The following LHFPL3 variants were observed in gnomAD, a reference collection of about 807,000 sequenced individuals.
LHFPL3 encodes the protein LHFPL tetraspan subfamily member 3 protein.
LHFPL3 carries 5 observed loss-of-function variants against 19.3 expected under a neutral mutation model. The ratio of observed to expected loss-of-function variants is 0.26; its 90% confidence interval spans 0.14 to 0.54. The LOEUF is 0.54. Ranked by LOEUF, LHFPL3 falls within the 20% of genes least tolerant of loss-of-function variation. The pLI, the probability that LHFPL3 is intolerant of heterozygous loss-of-function variation, is 0.94. For missense variants in LHFPL3, 249 were observed against 307.4 expected (o/e 0.81, Z 1.42); for synonymous variants, 133 against 126.2 (o/e 1.05, Z -0.36).
intron 1 of LHFPL3, among the ~76,000 whole-genome samples, chr7:104,499,633 C>T (rs918662490): frequency 5.3e-5 from 8 of 152,202 alleles, no homozygotes; most frequent in Non-Finnish European, 7.3e-5. Flanking sequence ...TAATTACAGA[C>T]TGTTTTTCCT....
At chr7:104,801,973 T>C (rs1352299312) in intron 2 of LHFPL3, among the ~76,000 whole-genome samples, 1 of 152,196 alleles carries the variant, frequency 6.6e-6, no homozygotes, top group Admixed American at 6.5e-5. Context: ...TGCTATTTTT[T>C]TCACAATTTG....
chr7:104,351,106 G>A (rs1168214937), intron 1 of LHFPL3, among the ~76,000 whole-genome samples: 1 of 151,802 alleles, frequency 6.6e-6, no homozygotes, highest in Non-Finnish European at 1.5e-5. Context: ...AGACTTGAGA[G>A]AAGAAAATGA....
intron 1 of LHFPL3, among the ~76,000 whole-genome samples, chr7:104,662,493 T>TA (rs1251089790): frequency 2.6e-5 from 4 of 152,124 alleles, no homozygotes; most frequent in African/African-American, 9.7e-5. Flanking sequence ...GTTACACAGC[T>TA]AAAAAATGAA....
intron 1 of LHFPL3, chr7:104,669,200 G>A (rs1375767280): frequency 3.8e-5 from 62 of 1,613,946 alleles, no homozygotes; most frequent in Admixed American, 8.3e-5. Context: ...TGGGTGAAGC[G>A]AAGTTCTAAC....
intron 1 of LHFPL3, among the ~76,000 whole-genome samples, chr7:104,620,168 C>T (rs1436999333): frequency 1.3e-5 from 2 of 152,108 alleles, no homozygotes; most frequent in Non-Finnish European, 2.9e-5. Context: ...GAACACAGCA[C>T]TCAAGGGACC....
At chr7:104,406,843 G>A (rs1398729497) in intron 1 of LHFPL3, among the ~76,000 whole-genome samples, 2 of 152,216 alleles carry the variant, frequency 1.3e-5, no homozygotes, top group Non-Finnish European at 2.9e-5. Context: ...TGCTTGAGGG[G>A]ACTTATAATT....
chr7:104,433,813 T>C (rs1332752163), intron 1 of LHFPL3, among the ~76,000 whole-genome samples: 1 of 152,200 alleles, frequency 6.6e-6, no homozygotes, highest in Non-Finnish European at 1.5e-5. Flanking sequence ...TTACAACTGT[T>C]ACTGACTTCT....
intron 1 of LHFPL3, among the ~76,000 whole-genome samples, chr7:104,481,610 G>C (rs1044533027): frequency 2.6e-5 from 4 of 151,918 alleles, no homozygotes; most frequent in African/African-American, 9.7e-5. Flanking sequence ...TATTAACACT[G>C]TCTAATTCAT....
At chr7:104,746,964 G>A (rs963841159) in intron 2 of LHFPL3, among the ~76,000 whole-genome samples, 3 of 152,186 alleles carry the variant, frequency 2.0e-5, no homozygotes, top group African/African-American at 7.2e-5. Context: ...AAGATCTGGA[G>A]ATTGCTTCCT....
intron 1 of LHFPL3, among the ~76,000 whole-genome samples, chr7:104,445,669 C>T (rs1385378356): frequency 6.6e-6 from 1 of 152,188 alleles, no homozygotes; most frequent in African/African-American, 2.4e-5. Context: ...CTGGTTACCT[C>T]CTTTTTTATA....
chr7:104,898,120 C>T (rs781016492), intron 2 of LHFPL3, among the ~76,000 whole-genome samples: 3 of 147,120 alleles, frequency 2.0e-5, no homozygotes, highest in Non-Finnish European at 4.5e-5. Flanking sequence ...AGTGATTCTC[C>T]TGCCTCAGCC....
In LHFPL3 at chr7:104,443,945, G is replaced by A. The variant is rs57941093; in HGVS notation, c.445+114721G>A. On this transcript the variant is annotated intron_variant, in intron 1 of 2. Transcript: ENST00000424859. ...AGTCTAGCACCTTACTGGACTTATT[G>A]AACTGAGATATAAACTAATGCAGTA... 0.013 allele frequency among the ~76,000 whole-genome samples: 1,913 copies of A among 152,332 alleles called. 63 individuals carry two copies. In the East Asian group the frequency reaches 0.13, roughly 11 times the overall value.
Position 104,908,521 on chromosome 7 carries a change from AAAAAAT to A in LHFPL3, c.*2321_*2326del, listed in dbSNP as rs1193865962. On this transcript the variant is annotated 3_prime_UTR_variant, in exon 3 of 3. Transcript: ENST00000424859. ...TTGTTGGAATACCTGAATTTCTGTA[AAAAAAT>A]AAAAATAAAAATAAGATTTTGTTAC... Among the ~76,000 whole-genome samples, 5 of 152,318 alleles carry A rather than the reference AAAAAAT, an allele frequency of 3.3e-5. No individual in the cohort carries two copies. The highest frequency in any genetic ancestry group is 9.6e-5 in the African/African-American group (4 of 41,564).
chr7:104,725,618 T>C (rs944469772), intron 1 of LHFPL3, among the ~76,000 whole-genome samples: 2 of 152,206 alleles, frequency 1.3e-5, no homozygotes, highest in African/African-American at 4.8e-5. Flanking sequence ...ATTCTTTTCA[T>C]GGAAACAATG....
rs562022019 is a variant in LHFPL3, at chr7:104,642,569, T to C, written c.446-94106T>C. Among the ~76,000 whole-genome samples the C allele has an allele frequency of 1.6e-3, 237 of 152,332 alleles. 2 individuals are homozygous for C. Among genetic ancestry groups the C allele is most frequent in the African/African-American group, 5.0e-3 (208 of 41,580 alleles). ...TTCTAGAGCTCAGTATAAGTTGTTTTTACAAAATGAAGCTTCTCACTTGGG... is the reference window on the plus strand; with the variant it reads ...TTCTAGAGCTCAGTATAAGTTGTTTCTACAAAATGAAGCTTCTCACTTGGG... On this transcript the variant is annotated intron_variant, in intron 1 of 2. Transcript: ENST00000424859.
intron 1 of LHFPL3, among the ~76,000 whole-genome samples, chr7:104,395,918 G>A (rs1791174317): frequency 6.6e-6 from 1 of 152,068 alleles, no homozygotes; most frequent in Non-Finnish European, 1.5e-5. Flanking sequence ...GACTATTTTG[G>A]TTATAAATGA....
At chr7:104,394,998 T>A (rs74300502) in intron 1 of LHFPL3, among the ~76,000 whole-genome samples, 14,841 of 152,034 alleles carry the variant, frequency 0.098, 782 homozygotes, top group African/African-American at 0.12. Context: ...CACGCCAGGC[T>A]GCTAGTCGTC....
At chr7:104,656,394 A>G (rs971906731) in intron 1 of LHFPL3, among the ~76,000 whole-genome samples, 1 of 151,892 alleles carries the variant, frequency 6.6e-6, no homozygotes, top group Non-Finnish European at 1.5e-5. Flanking sequence ...TTTCAGGGGG[A>G]AAAAAATGTC....
intron 1 of LHFPL3, among the ~76,000 whole-genome samples, chr7:104,364,196 C>A (rs1790441979): frequency 6.6e-6 from 1 of 152,170 alleles, no homozygotes; most frequent in Non-Finnish European, 1.5e-5. Flanking sequence ...CCAAAGATTT[C>A]CTCTTGAATG....
Sources: allele counts gnomAD v4.1 joint callset (sites outside exome capture counted in the v4.1 genomes callset), GRCh38; gene constraint gnomAD v4.1.1; transcripts MANE v1.5; gene names NCBI Gene and HGNC (gene_info 2026-07-23, HGNC 2026-07-21).